SYTL2: variants seen among roughly 807,000 people sequenced by gnomAD.
The protein encoded by SYTL2 is synaptotagmin like 2, also known as synaptotagmin-like protein 2.
Under a neutral mutation model 198.7 loss-of-function variants are expected in SYTL2, and 165 were observed. That is an observed-to-expected ratio of 0.83 (90% CI 0.73 to 0.94). SYTL2 has a LOEUF of 0.94. SYTL2 is among the 40% of genes least tolerant of loss of function. The probability of loss-of-function intolerance (pLI) is 0.00; values close to 1 mark genes in which losing one functional copy is unlikely to be tolerated. For missense variants in SYTL2, 2,835 were observed against 2,582.8 expected, an observed-to-expected ratio of 1.10 and a Z score of -2.12; for synonymous variants, 966 against 917.7, an observed-to-expected ratio of 1.05 and a Z score of -0.95.
At chr11:85,736,025 AG>A (rs1565954178) in intron 6 of SYTL2, among the ~76,000 whole-genome samples, 1 of 152,256 alleles carries the variant, frequency 6.6e-6, no homozygotes. Flanking sequence ...AAAATTCCAT[AG>A]CAGGCTGACT....
the SYTL2 span, among the ~76,000 whole-genome samples, chr11:85,818,885 A>C: frequency 6.6e-6 from 1 of 152,086 alleles, no homozygotes; most frequent in Non-Finnish European, 1.5e-5. Context: ...AAGATACTGA[A>C]TTTGAAGTCA....
At chr11:85,809,080 C>G (rs1044590618) in intron 1 of SYTL2, among the ~76,000 whole-genome samples, 4 of 152,172 alleles carry the variant, frequency 2.6e-5, no homozygotes, top group Non-Finnish European at 5.9e-5. Flanking sequence ...ACCTGGGCTT[C>G]CCCTAGGCTG....
the SYTL2 span, among the ~76,000 whole-genome samples, chr11:85,848,546 A>G: frequency 3.9e-5 from 6 of 152,170 alleles, no homozygotes; most frequent in Non-Finnish European, 5.9e-5. Flanking sequence ...ATTTGTTCAA[A>G]AGATTATGCT....
At chr11:85,708,960 T>G (rs1359886655) in intron 14 of SYTL2, among the ~76,000 whole-genome samples, 4 of 141,704 alleles carry the variant, frequency 2.8e-5, no homozygotes, top group African/African-American at 1.0e-4. Context: ...TGCCTCAGCC[T>G]CCCGAGTAGC....
intron 1 of SYTL2, among the ~76,000 whole-genome samples, chr11:85,795,266 G>A (rs1183736477): frequency 3.3e-5 from 5 of 151,896 alleles, no homozygotes; most frequent in Admixed American, 3.3e-4. Flanking sequence ...AAGGAATAAT[G>A]CTTGCATTTT....
the SYTL2 span, among the ~76,000 whole-genome samples, chr11:85,818,696 T>G: frequency 6.9e-6 from 1 of 144,298 alleles, no homozygotes; most frequent in Non-Finnish European, 1.5e-5. Context: ...TATCTACCTA[T>G]CTATTTATTT....
intron 12 of SYTL2, among the ~76,000 whole-genome samples, chr11:85,712,914 T>C (rs1426478998): frequency 6.6e-6 from 1 of 151,982 alleles, no homozygotes; most frequent in African/African-American, 2.4e-5. Flanking sequence ...GACAGGGTTT[T>C]GCTATGTTGG....
intron 4 of SYTL2, among the ~76,000 whole-genome samples, chr11:85,738,975 G>A (rs1008572134): frequency 6.6e-6 from 1 of 152,098 alleles, no homozygotes; most frequent in African/African-American, 2.4e-5. Context: ...AGCCCATATT[G>A]CAAATCATGT....
intron 10 of SYTL2, 31 bp downstream of exon 10, chr11:85,718,759 G>A (rs770224741): frequency 1.9e-5 from 30 of 1,605,250 alleles, no homozygotes; most frequent in Admixed American, 1.5e-4. Flanking sequence ...TTAATACAAA[G>A]ACAGACACGC....
chr11:85,727,570 T>A lies in SYTL2; in HGVS notation c.1788A>T (p.Gly596=). 6.5e-7 allele frequency: 1 copy of A among 1,536,086 alleles called. No homozygotes were observed. The highest frequency in any genetic ancestry group is 8.7e-7 in the Non-Finnish European group (1 of 1,146,886). ...GGCAACTTTCAGAAACCAGCATATCTCCCTCTGCTTGGAATGGTGAGTCAG... is the reference window on the plus strand; with the variant it reads ...GGCAACTTTCAGAAACCAGCATATCACCCTCTGCTTGGAATGGTGAGTCAG... ...VRSDSPFQAE[G]DMLVSESCQD... The change falls in exon 8 of 20, where the codon GGA becomes GGT. Residue 596 remains glycine (G), a synonymous_variant. Transcript: ENST00000359152.
At chr11:85,777,470 A>G (rs564684389) in intron 1 of SYTL2, among the ~76,000 whole-genome samples, 1 of 152,272 alleles carries the variant, frequency 6.6e-6, no homozygotes, top group African/African-American at 2.4e-5. Flanking sequence ...ACCAACACTC[A>G]AGAATGTAAT....
the SYTL2 span, among the ~76,000 whole-genome samples, chr11:85,827,851 C>G: frequency 1.3e-5 from 2 of 152,270 alleles, no homozygotes; most frequent in South Asian, 2.1e-4. Flanking sequence ...GGTTGAAGAT[C>G]TAGGTAGTGA....
Position 85,745,657 on chromosome 11 carries a change from A to G in SYTL2, c.369T>C (p.Asp123=). Residue 123 remains aspartate (D), a synonymous_variant, in exon 4 of 20, where the codon GAT becomes GAC. Coordinates refer to ENST00000359152, the MANE Select transcript of SYTL2 (RefSeq NM_206927.4). ...CTTACCTCGGGCTTGCTGGTGCTGC[A>G]TCTTCTTCTGGCTCTTCTACAACGC... ...LAGVVEEPEE[D]AAPASPSSSV... is the part of the protein sequence containing the mutation. The G allele has an allele frequency of 6.2e-7, 1 of 1,613,346 alleles. No homozygotes were observed. The highest frequency in any genetic ancestry group is 1.1e-5 in the South Asian group (1 of 91,044).
chr11:85,734,416 G>C lies in SYTL2; in HGVS notation c.913C>G (p.Leu305Val). ...TCAGAAATTCTCTCATGGATGGTTAGGCCAGGTGACACAATTTTGCTTTTG... is the reference window on the plus strand; with the variant it reads ...TCAGAAATTCTCTCATGGATGGTTACGCCAGGTGACACAATTTTGCTTTTG... ...EPKSKIVSPGLTIHERISEKE... is the reference protein window; with the variant it reads ...EPKSKIVSPGVTIHERISEKE... Residue 305 changes from leucine (L) to valine (V), a missense_variant, in exon 7 of 20, where the codon CTA becomes GTA. By Grantham distance (32) the Leu-to-Val change is conservative (BLOSUM62 1). Transcript: ENST00000359152. The C allele has an allele frequency of 6.2e-7, 1 of 1,614,182 alleles. No individual in the cohort carries two copies. The highest frequency in any genetic ancestry group is 8.5e-7 in the Non-Finnish European group (1 of 1,180,020).
chr11:85,851,057 G>C, the SYTL2 span, among the ~76,000 whole-genome samples: 1 of 150,270 alleles, frequency 6.7e-6, no homozygotes, highest in African/African-American at 2.4e-5. Flanking sequence ...GGATAGCATC[G>C]GGAGACATAC....
intron 2 of SYTL2, among the ~76,000 whole-genome samples, chr11:85,754,935 C>T (rs1178724471): frequency 1.3e-5 from 2 of 152,186 alleles, no homozygotes; most frequent in African/African-American, 4.8e-5. Context: ...ATGGCTTTGG[C>T]ACTGACTTAA....
At chr11:85,839,079 A>C in the SYTL2 span, among the ~76,000 whole-genome samples, 1 of 152,306 alleles carries the variant, frequency 6.6e-6, no homozygotes, top group East Asian at 1.9e-4. Flanking sequence ...AAAGTTTATT[A>C]GTTTCAGAGA....
intron 9 of SYTL2, among the ~76,000 whole-genome samples, chr11:85,719,970 T>C (rs1298497152): frequency 6.6e-6 from 1 of 152,224 alleles, no homozygotes; most frequent in Non-Finnish European, 1.5e-5. Context: ...CTTATGACCA[T>C]CTGCAATCCC....
rs1195068164 is a variant in SYTL2 at position 85,695,161 on chromosome 11, T to C, written c.*34A>G. ...TCAAGATCAGATTCCACCGGTTTAG[T>C]AGTTTTCAGTGGAGGAGCCAGTGGA... On this transcript the variant is annotated 3_prime_UTR_variant, in exon 20 of 20. Coordinates refer to ENST00000359152, the MANE Select transcript of SYTL2 (RefSeq NM_206927.4). 6.3e-7 allele frequency: 1 copy of C among 1,594,944 alleles called. No homozygotes were observed. The highest frequency in any genetic ancestry group is 8.6e-7 in the Non-Finnish European group (1 of 1,169,138).
Sources: gnomAD v4.1 joint callset for allele counts (sites outside exome capture counted in the v4.1 genomes callset) on GRCh38, gnomAD v4.1.1 for gene constraint, MANE v1.5 for transcripts, NCBI Gene and HGNC (gene_info 2026-07-23, HGNC 2026-07-21) for gene names.